The following GRM3 variants were observed in gnomAD, a reference collection of about 807,000 sequenced individuals.
GRM3 encodes the protein glutamate metabotropic receptor 3.
In GRM3, 26 loss-of-function variants were observed where a neutral mutation model predicts 70.5. That is an observed-to-expected ratio of 0.37 (90% CI 0.27 to 0.51). The LOEUF is 0.51. Among genes scored for constraint, GRM3 ranks in the 20% least tolerant of loss-of-function variants. The pLI is 0.93. For synonymous variants in GRM3, 443 were observed against 434.9 expected, an observed-to-expected ratio of 1.02 and a Z score of -0.23; for missense variants, 859 against 1,123.8, an observed-to-expected ratio of 0.76 and a Z score of 3.37.
At chr7:86,859,820 T>G (rs557948528) in intron 5 of GRM3, among the ~76,000 whole-genome samples, 1 of 152,304 alleles carries the variant, frequency 6.6e-6, no homozygotes, top group Admixed American at 6.5e-5. Flanking sequence ...TTCTCCAAAG[T>G]CTGGCTAGCC....
At chr7:86,828,194 A>G (rs920316319) in intron 3 of GRM3, among the ~76,000 whole-genome samples, 10 of 151,662 alleles carry the variant, frequency 6.6e-5, no homozygotes, top group African/African-American at 1.9e-4. Flanking sequence ...TAGACATTTG[A>G]TTGACTTATG....
intron 1 of GRM3, among the ~76,000 whole-genome samples, chr7:86,699,412 G>C (rs1215910633): frequency 6.6e-6 from 1 of 151,904 alleles, no homozygotes; most frequent in Non-Finnish European, 1.5e-5. Context: ...ATTCTCAATG[G>C]CTATTCCTAA....
chr7:86,672,401 T>A (rs559885436), intron 1 of GRM3, among the ~76,000 whole-genome samples: 2 of 152,194 alleles, frequency 1.3e-5, no homozygotes, highest in Non-Finnish European at 2.9e-5. Flanking sequence ...CAGGCACAGT[T>A]GTGACATTCC....
At chr7:86,847,827 G>A (rs80048181) in intron 4 of GRM3, among the ~76,000 whole-genome samples, 1,657 of 152,266 alleles carry the variant, frequency 0.011, 18 homozygotes, top group African/African-American at 0.037. Flanking sequence ...ACTTACTGAA[G>A]GAACTGGATA....
chr7:86,724,604 C>A (rs533339105), intron 1 of GRM3, among the ~76,000 whole-genome samples: 3 of 152,072 alleles, frequency 2.0e-5, no homozygotes, highest in Admixed American at 1.3e-4. Flanking sequence ...ATCAGTGTTC[C>A]TAACATTCTA....
At chr7:86,654,250 C>T (rs1452903884) in intron 1 of GRM3, among the ~76,000 whole-genome samples, 2 of 152,138 alleles carry the variant, frequency 1.3e-5, no homozygotes, top group Non-Finnish European at 2.9e-5. Context: ...TCCCTCTTTG[C>T]CTTCACTGGA....
rs1022309430 is a variant in GRM3, at chr7:86,688,689, C to T, written c.-141+43817C>T. On this transcript the variant is annotated intron_variant, in intron 1 of 5. Coordinates refer to ENST00000361669, the MANE Select transcript of GRM3 (RefSeq NM_000840.3). ...GCAGAGCACTCTTTACCATGTATAT[C>T]ATATATATATATGAGAAATATGATA... 3.4e-5 allele frequency among the ~76,000 whole-genome samples: 5 copies of T among 148,216 alleles called. No homozygotes were observed. In the East Asian group the frequency reaches 9.8e-4, roughly 29 times the overall value.
At chr7:86,823,932 G>A (rs1184161728) in intron 3 of GRM3, among the ~76,000 whole-genome samples, 1 of 152,150 alleles carries the variant, frequency 6.6e-6, no homozygotes, top group African/African-American at 2.4e-5. Context: ...TATGAGCAGT[G>A]AATGGCAGAT....
At chr7:86,676,370 T>C (rs1274880433) in intron 1 of GRM3, among the ~76,000 whole-genome samples, 1 of 151,910 alleles carries the variant, frequency 6.6e-6, no homozygotes, top group East Asian at 1.9e-4. Flanking sequence ...TGAAAAACAA[T>C]TCCTATACTA....
At chr7:86,719,575 T>C (rs1325880900) in intron 1 of GRM3, among the ~76,000 whole-genome samples, 1 of 152,020 alleles carries the variant, frequency 6.6e-6, no homozygotes, top group Non-Finnish European at 1.5e-5. Context: ...TCTAAGAATG[T>C]AACATTTTAT....
chr7:86,799,318 T>C (rs1253134073), intron 3 of GRM3, among the ~76,000 whole-genome samples: 1 of 152,230 alleles, frequency 6.6e-6, no homozygotes, highest in South Asian at 2.1e-4. Context: ...ACTTCCTCTC[T>C]TCCTATTTGA....
chr7:86,851,827 A>T (rs528605022), intron 5 of GRM3, among the ~76,000 whole-genome samples: 1 of 152,170 alleles, frequency 6.6e-6, no homozygotes, highest in Non-Finnish European at 1.5e-5. Flanking sequence ...TTAGAGAAAT[A>T]TGTTGATTTC....
At chr7:86,844,805 C>A (rs892874078) in intron 4 of GRM3, among the ~76,000 whole-genome samples, 7 of 152,166 alleles carry the variant, frequency 4.6e-5, no homozygotes, top group African/African-American at 1.7e-4. Flanking sequence ...ACATGAGACT[C>A]CTGATTCAGA....
intron 4 of GRM3, among the ~76,000 whole-genome samples, chr7:86,844,109 G>T (rs11976963): frequency 6.6e-6 from 1 of 152,096 alleles, no homozygotes; most frequent in Non-Finnish European, 1.5e-5. Flanking sequence ...GCAGAGTCTT[G>T]GGAATTGACT....
intron 4 of GRM3, among the ~76,000 whole-genome samples, chr7:86,842,845 A>T (rs6954573): frequency 0.075 from 11,400 of 152,246 alleles, 580 homozygotes; most frequent in African/African-American, 0.14. Flanking sequence ...TGTGGGCTCC[A>T]TAAGAGTTAT....
intron 1 of GRM3, among the ~76,000 whole-genome samples, chr7:86,698,994 G>T (rs887509808): frequency 5.3e-5 from 8 of 152,016 alleles, no homozygotes; most frequent in Non-Finnish European, 1.0e-4. Context: ...CCAGAGAGGG[G>T]TGACTAATGA....
intron 3 of GRM3, among the ~76,000 whole-genome samples, chr7:86,822,930 G>A (rs572709178): frequency 6.6e-6 from 1 of 152,184 alleles, no homozygotes; most frequent in East Asian, 1.9e-4. Flanking sequence ...CATAATTTTT[G>A]TCTTTTCTTA....
At chr7:86,851,375 A>C (rs993322928) in intron 5 of GRM3, among the ~76,000 whole-genome samples, 3 of 152,146 alleles carry the variant, frequency 2.0e-5, no homozygotes, top group Admixed American at 6.5e-5. Flanking sequence ...AATTCTTTAG[A>C]GTTCTCTAAA....
intron 3 of GRM3, among the ~76,000 whole-genome samples, chr7:86,837,835 C>G (rs1031429080): frequency 6.6e-6 from 1 of 152,186 alleles, no homozygotes; most frequent in African/African-American, 2.4e-5. Flanking sequence ...CAGAGTTTCT[C>G]TATGTGTCAC....
Sources: gnomAD v4.1 joint callset for allele counts (sites outside exome capture counted in the v4.1 genomes callset) on GRCh38, gnomAD v4.1.1 for gene constraint, MANE v1.5 for transcripts, NCBI Gene and HGNC (gene_info 2026-07-23, HGNC 2026-07-21) for gene names.